FSTL4: variants seen among roughly 807,000 people sequenced by gnomAD.
FSTL4 encodes the protein follistatin-related protein 4.
A neutral mutation model predicts 78.2 loss-of-function variants in FSTL4; 28 were observed. That is an observed-to-expected ratio of 0.36 (90% CI 0.27 to 0.49). The LOEUF is 0.49. Ranked by LOEUF, FSTL4 falls within the 20% of genes least tolerant of loss-of-function variation. The probability of loss-of-function intolerance (pLI) is 0.98; values close to 1 mark genes in which losing one functional copy is unlikely to be tolerated. For synonymous variants in FSTL4, 422 were observed against 440.5 expected (o/e 0.96, Z 0.53); for missense variants, 922 against 1,084.9 (o/e 0.85, Z 2.11).
intron 6 of FSTL4, among the ~76,000 whole-genome samples, chr5:133,289,812 C>T (rs1753217162): frequency 6.6e-6 from 1 of 152,218 alleles, no homozygotes; most frequent in Non-Finnish European, 1.5e-5. Flanking sequence ...GGTGGGGGGA[C>T]TTATTTCATC....
At chr5:133,257,969 C>A (rs1752424043) in intron 6 of FSTL4, among the ~76,000 whole-genome samples, 1 of 152,212 alleles carries the variant, frequency 6.6e-6, no homozygotes, top group Non-Finnish European at 1.5e-5. Flanking sequence ...TCAGAATTTA[C>A]AAAAATTCAT....
chr5:133,777,233 T>C, the FSTL4 span, among the ~76,000 whole-genome samples: 2 of 141,638 alleles, frequency 1.4e-5, no homozygotes, highest in African/African-American at 5.1e-5. Context: ...ATATATACAA[T>C]AGAGAGTTTA....
chr5:133,581,281 C>G (rs781423394), intron 2 of FSTL4, among the ~76,000 whole-genome samples: 3 of 152,316 alleles, frequency 2.0e-5, no homozygotes, highest in Non-Finnish European at 2.9e-5. Context: ...TACTTAGGAC[C>G]TGGCCCATCT....
chr5:133,503,829 T>C (rs1250743402), intron 3 of FSTL4, among the ~76,000 whole-genome samples: 4 of 152,228 alleles, frequency 2.6e-5, no homozygotes, highest in African/African-American at 7.2e-5. Context: ...ATTCTCACAC[T>C]GCTATGAAGA....
chr5:133,218,926 CACCTAGTACAGT>C lies in FSTL4; in HGVS notation c.1459-1560_1459-1549del. On this transcript the variant is annotated intron_variant, in intron 12 of 15. Coordinates refer to ENST00000265342, the MANE Select transcript of FSTL4 (RefSeq NM_015082.2). Reference sequence around the variant, plus strand: ...CTTTGGTTCACTGCTATATGATTAGCACCTAGTACAGTGCCTGGCACAGAGTCAGTGCTTAAA... The same window carrying C: ...CTTTGGTTCACTGCTATATGATTAGCGCCTGGCACAGAGTCAGTGCTTAAA... 2.6e-5 allele frequency among the ~76,000 whole-genome samples: 4 copies of C among 152,332 alleles called. No homozygotes were observed. The South Asian group carries it at 8.3e-4, about 32-fold the overall frequency.
chr5:133,400,070 A>G (rs1291706433), intron 4 of FSTL4, among the ~76,000 whole-genome samples: 1 of 152,242 alleles, frequency 6.6e-6, no homozygotes, highest in Non-Finnish European at 1.5e-5. Flanking sequence ...ACATAAGCGC[A>G]TAAGACAGCC....
At chr5:133,389,157 A>T (rs1755778720) in intron 4 of FSTL4, among the ~76,000 whole-genome samples, 2 of 151,904 alleles carry the variant, frequency 1.3e-5, no homozygotes, top group African/African-American at 2.4e-5. Flanking sequence ...TCTTGTAATA[A>T]TTTTTCCCCA....
chr5:133,504,621 T>C (rs1030486659), intron 3 of FSTL4, among the ~76,000 whole-genome samples: 2 of 152,212 alleles, frequency 1.3e-5, no homozygotes, highest in African/African-American at 4.8e-5. Flanking sequence ...CTACCTCTAC[T>C]GCATTACCTT....
chr5:133,820,661 T>C, the FSTL4 span, among the ~76,000 whole-genome samples: 3 of 152,244 alleles, frequency 2.0e-5, no homozygotes, highest in Admixed American at 6.5e-5. Flanking sequence ...CTCTGCAACA[T>C]TCGCCAAACC....
At chr5:133,231,731 C>T (rs1751499720) in intron 8 of FSTL4, among the ~76,000 whole-genome samples, 1 of 152,126 alleles carries the variant, frequency 6.6e-6, no homozygotes, top group South Asian at 2.1e-4. Context: ...TTTGTAGAGA[C>T]AGGGTTTCAC....
chr5:133,265,707 C>T (rs1581580434), intron 6 of FSTL4, among the ~76,000 whole-genome samples: 3 of 152,316 alleles, frequency 2.0e-5, no homozygotes, highest in African/African-American at 7.2e-5. Flanking sequence ...ACTAGGGACC[C>T]ACAGGCTGGC....
At position 133,459,251 on chromosome 5, in the gene FSTL4, C is replaced by T. The variant is rs140010339; in HGVS notation, c.161-58265G>A. On this transcript the variant is annotated intron_variant, in intron 3 of 15. Coordinates refer to ENST00000265342, the MANE Select transcript of FSTL4 (RefSeq NM_015082.2). ...AAAACAAAGAGCAAAGCAAACCCAC[C>T]GACAGTCCCCGAGAGTGCTTTCCCT... 8.5e-5 allele frequency among the ~76,000 whole-genome samples: 13 copies of T among 152,216 alleles called. No individual in the cohort carries two copies. In the East Asian group the frequency reaches 2.1e-3, roughly 25 times the overall value.
chr5:133,760,933 C>G, the FSTL4 span, among the ~76,000 whole-genome samples: 1 of 152,156 alleles, frequency 6.6e-6, no homozygotes, highest in Non-Finnish European at 1.5e-5. Flanking sequence ...AACAGCATGG[C>G]CAACTCCAGG....
chr5:133,807,973 T>G, the FSTL4 span, among the ~76,000 whole-genome samples: 4 of 152,144 alleles, frequency 2.6e-5, no homozygotes, highest in Admixed American at 6.5e-5. Context: ...TCTGCTGCCT[T>G]GGATTTTTTC....
At chr5:133,822,626 T>G in the FSTL4 span, among the ~76,000 whole-genome samples, 1 of 152,024 alleles carries the variant, frequency 6.6e-6, no homozygotes, top group African/African-American at 2.4e-5. Flanking sequence ...AAGCTAAGGA[T>G]GTGAACATTC....
the FSTL4 span, among the ~76,000 whole-genome samples, chr5:133,704,959 C>T: frequency 9.8e-4 from 149 of 152,342 alleles, no homozygotes; most frequent in African/African-American, 3.4e-3. Flanking sequence ...CTGCAGGTGA[C>T]AAGACATTTC....
the FSTL4 span, among the ~76,000 whole-genome samples, chr5:133,744,528 A>G: frequency 6.6e-6 from 1 of 152,190 alleles, no homozygotes; most frequent in Non-Finnish European, 1.5e-5. Context: ...TGTGTGGGCG[A>G]TGACACCATT....
chr5:133,649,321 A>G, the FSTL4 span, among the ~76,000 whole-genome samples: 1 of 152,222 alleles, frequency 6.6e-6, no homozygotes, highest in Non-Finnish European at 1.5e-5. Flanking sequence ...GCTGCTATAA[A>G]TATCCATGTG....
the FSTL4 span, among the ~76,000 whole-genome samples, chr5:133,721,626 T>A: frequency 6.6e-6 from 1 of 152,174 alleles, no homozygotes; most frequent in African/African-American, 2.4e-5. Flanking sequence ...GCCTGTAAGG[T>A]TTCTGCTAAG....
Sources: allele counts gnomAD v4.1 joint callset (sites outside exome capture counted in the v4.1 genomes callset), GRCh38; gene constraint gnomAD v4.1.1; transcripts MANE v1.5; gene names NCBI Gene and HGNC (gene_info 2026-07-23, HGNC 2026-07-21).